The following FNIP1 variants were observed in gnomAD, a reference collection of about 807,000 sequenced individuals.
FNIP1 encodes the protein folliculin interacting protein 1.
A neutral mutation model predicts 124.5 loss-of-function variants in FNIP1; 40 were observed. That is an observed-to-expected ratio of 0.32 (90% confidence interval 0.25 to 0.42). FNIP1 has a LOEUF of 0.42. Ranked by LOEUF, FNIP1 falls within the 10% of genes least tolerant of loss-of-function variation. FNIP1 has a pLI of 1.00. For missense variants in FNIP1, 1,176 were observed against 1,403.7 expected (o/e 0.84, Z 2.59); for synonymous variants, 472 against 470.6 (o/e 1.00, Z -0.04).
chr5:131,767,802 C>T (rs182696910), intron 1 of FNIP1, among the ~76,000 whole-genome samples: 1 of 152,154 alleles, frequency 6.6e-6, no homozygotes, highest in East Asian at 1.9e-4. Context: ...ATCTCAGTTC[C>T]AAAGACTTTA....
chr5:131,780,642 T>C (rs1018897441), intron 1 of FNIP1, among the ~76,000 whole-genome samples: 4 of 152,192 alleles, frequency 2.6e-5, no homozygotes, highest in Admixed American at 1.3e-4. Context: ...TGATCTGTGA[T>C]CAGTGATCTT....
intron 11 of FNIP1, among the ~76,000 whole-genome samples, chr5:131,694,848 T>C (rs1054811362): frequency 1.3e-5 from 2 of 152,262 alleles, no homozygotes; most frequent in East Asian, 1.9e-4. Context: ...CTCACACCTG[T>C]AATCCCAGCA....
At chr5:131,691,160 T>G (rs928274895) in intron 11 of FNIP1, among the ~76,000 whole-genome samples, 1 of 152,170 alleles carries the variant, frequency 6.6e-6, no homozygotes, top group Non-Finnish European at 1.5e-5. Flanking sequence ...CAATGTATGT[T>G]CTCAAATCAC....
chr5:131,765,561 A>G (rs1310516157), intron 1 of FNIP1, among the ~76,000 whole-genome samples: 2 of 152,252 alleles, frequency 1.3e-5, no homozygotes, highest in African/African-American at 4.8e-5. Context: ...AAAAGAAATC[A>G]AAACTATTTT....
chr5:131,646,156 T>C (rs1766874061), intron 17 of FNIP1, among the ~76,000 whole-genome samples: 1 of 152,202 alleles, frequency 6.6e-6, no homozygotes, highest in African/African-American at 2.4e-5. Context: ...AACAATTCTC[T>C]CTGTATAACT....
chr5:131,730,793 C>A (rs1377978929), intron 3 of FNIP1, 111 bp downstream of exon 3: 6 of 775,358 alleles, frequency 7.7e-6, no homozygotes, highest in Non-Finnish European at 1.2e-5. Context: ...AGCTTCAATG[C>A]AAGCTCTAGG....
chr5:131,700,204 G>T (rs1580766677), intron 10 of FNIP1, among the ~76,000 whole-genome samples: 1 of 151,802 alleles, frequency 6.6e-6, no homozygotes, highest in Non-Finnish European at 1.5e-5. Context: ...AGATGGTCTC[G>T]ATCTCTTGAC....
rs7709683 is a variant in FNIP1, at chr5:131,698,509, G to A, written c.1202+408C>T. 5.3e-3 allele frequency among the ~76,000 whole-genome samples: 801 copies of A among 152,290 alleles called. 4 individuals carry two copies. The highest frequency in any genetic ancestry group is 0.019 in the African/African-American group (770 of 41,566). ...TCTAGAGGAAGGATCAAGCAACAAA[G>A]CCATTTAGAATATCAAGTGCATGTT... On this transcript the variant is annotated intron_variant, in intron 11 of 17. Coordinates refer to ENST00000510461, the MANE Select transcript of FNIP1 (RefSeq NM_133372.3).
At chr5:131,675,085 A>G (rs550198733) in intron 13 of FNIP1, among the ~76,000 whole-genome samples, 1 of 152,326 alleles carries the variant, frequency 6.6e-6, no homozygotes, top group African/African-American at 2.4e-5. Context: ...CTTGGCAGTC[A>G]GAAGAAGAAA....
chr5:131,705,020 T>A (rs530746924), intron 9 of FNIP1, among the ~76,000 whole-genome samples: 3 of 152,042 alleles, frequency 2.0e-5, no homozygotes, highest in Non-Finnish European at 2.9e-5. Context: ...GTAAAAAAAA[T>A]TTACAAATCA....
At position 131,679,058 on chromosome 5, in the gene FNIP1, G is replaced by A; in HGVS notation, c.1320C>T (p.Thr440=). 1.2e-6 allele frequency: 2 copies of A among 1,610,818 alleles called. No homozygotes were observed. Among genetic ancestry groups the A allele is most frequent in the Non-Finnish European group, 1.7e-6 (2 of 1,178,760 alleles). ...TTTTGGAAGCATTTTCCATTAGAAAGGTGAACTCCTTCATGAAACGATAGC... is the reference window on the plus strand; with the variant it reads ...TTTTGGAAGCATTTTCCATTAGAAAAGTGAACTCCTTCATGAAACGATAGC... ...HLCYRFMKEF[T]FLMENASKNQ... is the part of the protein sequence containing the mutation. Residue 440 remains threonine (T), a synonymous_variant, in exon 12 of 18, where the codon ACC becomes ACT. Coordinates refer to ENST00000510461, the MANE Select transcript of FNIP1 (RefSeq NM_133372.3).
chr5:131,718,744 A>G lies in FNIP1; in HGVS notation c.530+242T>C, dbSNP rs184503255. The stretch of plus-strand genomic sequence containing the variant: ...TGAAAAATCAGCATGTTGCCCTAAG[A>G]CGGAAATCCATTCAACATTCTACTT... On this transcript the variant is annotated intron_variant, in intron 5 of 17. Transcript: ENST00000510461. 1.0e-3 allele frequency among the ~76,000 whole-genome samples: 157 copies of G among 152,328 alleles called. 1 individual carries two copies. Among genetic ancestry groups the G allele is most frequent in the African/African-American group, 3.6e-3 (150 of 41,574 alleles).
intron 8 of FNIP1, among the ~76,000 whole-genome samples, chr5:131,707,064 C>G (rs1009425193): frequency 1.3e-5 from 2 of 152,142 alleles, no homozygotes; most frequent in Non-Finnish European, 2.9e-5. Flanking sequence ...CTACTAAGCT[C>G]CAAAAAAAGA....
chr5:131,786,424 C>T (rs1026446766), intron 1 of FNIP1, among the ~76,000 whole-genome samples: 6 of 152,156 alleles, frequency 3.9e-5, no homozygotes, highest in African/African-American at 1.2e-4. Context: ...CTGTAAAATA[C>T]GTCACATCCA....
At chr5:131,729,704 A>G (rs1001685722) in intron 3 of FNIP1, among the ~76,000 whole-genome samples, 18 of 152,162 alleles carry the variant, frequency 1.2e-4, no homozygotes. Context: ...CAGCCTCCTG[A>G]GTAGCTGGGA....
At position 131,671,773 on chromosome 5, in the gene FNIP1, C is replaced by A. The variant is rs1767759073; in HGVS notation, c.2671G>T (p.Val891Phe). Reference protein sequence around the residue: ...NNEFCKCIETVPQDSCKTCFP... With the variant: ...NNEFCKCIETFPQDSCKTCFP... Reference sequence around the variant, plus strand: ...CAGGTTTTACATGAATCTTGGGGAACTGTTTCTATACATTTACAAAATTCA... The same window carrying A: ...CAGGTTTTACATGAATCTTGGGGAAATGTTTCTATACATTTACAAAATTCA... The change falls in exon 14 of 18, where the codon GTT becomes TTT. Residue 891 changes from valine to phenylalanine, a missense_variant. By Grantham distance (50) the Val-to-Phe change is conservative. Coordinates refer to ENST00000510461, the MANE Select transcript of FNIP1 (RefSeq NM_133372.3). 1 of 1,614,098 alleles carries A rather than the reference C, an allele frequency of 6.2e-7. No individual in the cohort carries two copies. The highest frequency in any genetic ancestry group is 1.1e-5 in the South Asian group (1 of 91,088).
At chr5:131,734,256 T>C (rs577242822) in intron 2 of FNIP1, among the ~76,000 whole-genome samples, 4 of 152,322 alleles carry the variant, frequency 2.6e-5, no homozygotes, top group African/African-American at 7.2e-5. Context: ...ATCAATTTTG[T>C]TGATCTTTTC....
At chr5:131,693,333 C>CACACATATAT (rs1290529554) in intron 11 of FNIP1, among the ~76,000 whole-genome samples, 5 of 50,124 alleles carry the variant, frequency 1.0e-4, no homozygotes, top group African/African-American at 3.4e-4. Context: ...TATATATATA[C>CACACATATAT]ATATATATAT....
At chr5:131,685,621 A>G (rs1768250158) in intron 11 of FNIP1, among the ~76,000 whole-genome samples, 1 of 151,778 alleles carries the variant, frequency 6.6e-6, no homozygotes, top group South Asian at 2.1e-4. Flanking sequence ...TATCCAGCTA[A>G]TTTTTGTATT....
Sources: gnomAD v4.1 joint callset for allele counts (sites outside exome capture counted in the v4.1 genomes callset) on GRCh38, gnomAD v4.1.1 for gene constraint, MANE v1.5 for transcripts, NCBI Gene and HGNC (gene_info 2026-07-23, HGNC 2026-07-21) for gene names.